LRP8: variants seen among roughly 807,000 people sequenced by gnomAD.
The protein encoded by LRP8 is LDL receptor related protein 8.
A neutral mutation model predicts 111.6 loss-of-function variants in LRP8; 46 were observed. The observed-to-expected ratio is 0.41, with a 90% CI of 0.33 to 0.53. The LOEUF is 0.53. Among genes scored for constraint, LRP8 ranks in the 20% least tolerant of loss-of-function variants. LRP8 has a pLI of 0.20. For synonymous variants in LRP8, 464 were observed against 511.2 expected, an observed-to-expected ratio of 0.91 and a Z score of 1.24; for missense variants, 959 against 1,297.4, an observed-to-expected ratio of 0.74 and a Z score of 4.01.
chr1:53,321,575 C>T (rs745858572), intron 2 of LRP8, among the ~76,000 whole-genome samples: 9 of 152,200 alleles, frequency 5.9e-5, no homozygotes, highest in Non-Finnish European at 1.2e-4. Flanking sequence ...CTCTCTCTCT[C>T]TGGCTTCACC....
chr1:53,299,767 C>A (rs1264820286), intron 2 of LRP8, among the ~76,000 whole-genome samples: 1 of 152,262 alleles, frequency 6.6e-6, no homozygotes, highest in East Asian at 1.9e-4. Flanking sequence ...GGGCCGTCTG[C>A]CACTCCTGGC....
At chr1:53,286,875 A>G (rs1465643506) in intron 3 of LRP8, among the ~76,000 whole-genome samples, 1 of 152,190 alleles carries the variant, frequency 6.6e-6, no homozygotes, top group Non-Finnish European at 1.5e-5. Flanking sequence ...TACAAATAAC[A>G]CTGCCATTTA....
rs1198721579 is a variant in LRP8, at chr1:53,258,375, G to A, written c.2153C>T (p.Thr718Ile). 3.7e-6 allele frequency: 6 copies of A among 1,614,056 alleles called. No homozygotes were observed. Among genetic ancestry groups the A allele is most frequent in the Non-Finnish European group, 5.1e-6 (6 of 1,180,018 alleles). Residue 718 changes from threonine to isoleucine, a missense_variant, in exon 14 of 19, where the codon ACA (threonine) becomes ATA (isoleucine). Physicochemically the swap from Thr to Ile is moderately conservative, Grantham distance 89. Transcript: ENST00000306052. ...CCACATTGTGTCAGGACAGGCACATGTGTACTTGGGAGAGTGGCTGGAGAT... is the reference window on the plus strand; with the variant it reads ...CCACATTGTGTCAGGACAGGCACATATGTACTTGGGAGAGTGGCTGGAGAT... ...PQISSHSPKY[T>I]CACPDTMWLG... is the part of the protein sequence containing the mutation.
intron 5 of LRP8, among the ~76,000 whole-genome samples, 165 bp downstream of exon 5, chr1:53,276,527 A>T (rs1421136237): frequency 6.6e-6 from 1 of 152,158 alleles, no homozygotes; most frequent in Non-Finnish European, 1.5e-5. Flanking sequence ...AGCTGCGTGA[A>T]TTCAAATAAG....
chr1:53,248,166 G>C (rs1475571483), intron 18 of LRP8, among the ~76,000 whole-genome samples: 4 of 152,176 alleles, frequency 2.6e-5, no homozygotes, highest in Non-Finnish European at 4.4e-5. Flanking sequence ...ACATAAAATA[G>C]AATCAGACTA....
chr1:53,251,438 C>T (rs1645892554), intron 16 of LRP8, among the ~76,000 whole-genome samples: 1 of 151,912 alleles, frequency 6.6e-6, no homozygotes, highest in African/African-American at 2.4e-5. Flanking sequence ...TAGAAGGAGA[C>T]ACAGAGGGCA....
intron 2 of LRP8, among the ~76,000 whole-genome samples, chr1:53,304,235 G>A (rs545597016): frequency 6.6e-6 from 1 of 152,172 alleles, no homozygotes; most frequent in Non-Finnish European, 1.5e-5. Context: ...GTGGCCCAGG[G>A]CTCATCTGGA....
chr1:53,277,427 T>A (rs1344743974), intron 4 of LRP8, among the ~76,000 whole-genome samples: 1 of 152,174 alleles, frequency 6.6e-6, no homozygotes, highest in Admixed American at 6.5e-5. Context: ...CACTGACCCT[T>A]CCCAGGGACC....
chr1:53,280,488 C>T, intron 4 of LRP8, 99 bp downstream of exon 4: 4 of 1,488,582 alleles, frequency 2.7e-6, no homozygotes, highest in Non-Finnish European at 3.6e-6. Flanking sequence ...CACCACCAAG[C>T]CCCACGGGGA....
Position 53,258,412 on chromosome 1 carries a change from G to T in LRP8, c.2116C>A (p.Pro706Thr). 1.9e-6 allele frequency: 3 copies of T among 1,614,140 alleles called. No individual in the cohort carries two copies. Among genetic ancestry groups the T allele is most frequent in the Non-Finnish European group, 2.5e-6 (3 of 1,179,992 alleles). The change falls in exon 14 of 19, where the codon CCT (proline) becomes ACT (threonine). Residue 706 changes from proline to threonine, a missense_variant. Coordinates refer to ENST00000306052, the MANE Select transcript of LRP8 (RefSeq NM_004631.5). ...GAGTGGCTGGAGATCTGAGGAGCAG[G>T]AAGGCACAGGTATTCACAGCCTCCA... is the stretch of plus-strand genomic sequence containing the variant. The part of the protein sequence containing the change: ...PNGGCEYLCL[P>T]APQISSHSPK...
intron 8 of LRP8, chr1:53,267,426 T>C (rs945379534): frequency 1.3e-5 from 2 of 152,096 alleles, no homozygotes; most frequent in Non-Finnish European, 2.9e-5. Flanking sequence ...GAGCCATGAT[T>C]GTGCCACTGC....
At chr1:53,324,842 C>A (rs995912217) in intron 2 of LRP8, among the ~76,000 whole-genome samples, 5 of 152,192 alleles carry the variant, frequency 3.3e-5, no homozygotes, top group Admixed American at 2.0e-4. Flanking sequence ...GCACCACACT[C>A]CCCACCTCAG....
intron 4 of LRP8, among the ~76,000 whole-genome samples, chr1:53,277,565 T>C (rs947770806): frequency 1.3e-5 from 2 of 152,176 alleles, no homozygotes; most frequent in Non-Finnish European, 2.9e-5. Context: ...ACCTCACTCC[T>C]GAATGTTCGC....
intron 3 of LRP8, among the ~76,000 whole-genome samples, chr1:53,285,493 A>G (rs1004925080): frequency 6.6e-6 from 1 of 152,220 alleles, no homozygotes; most frequent in Non-Finnish European, 1.5e-5. Context: ...TCCTTAGGCA[A>G]CTACTGAACC....
In LRP8 at chr1:53,250,662, A is replaced by T; in HGVS notation, c.2676+28T>A. The T allele has an allele frequency of 6.2e-7, 1 of 1,602,428 alleles. No homozygotes were observed. The highest frequency in any genetic ancestry group is 8.5e-7 in the Non-Finnish European group (1 of 1,170,712). ...ATGGAAGGGAAGATGGTCGGAAGGTAGGAATTCTCCCAGTGAGAAATACTT... is the reference window on the plus strand; with the variant it reads ...ATGGAAGGGAAGATGGTCGGAAGGTTGGAATTCTCCCAGTGAGAAATACTT... On this transcript the variant is annotated intron_variant, in intron 17 of 18. Transcript: ENST00000306052. This position sits in a 1 kb window ranked among gnomAD's most constrained non-coding sequence, Gnocchi z 4.6.
At chr1:53,327,733 C>G in intron 1 of LRP8, 56 bp downstream of exon 1, 1 of 1,403,506 alleles carries the variant, frequency 7.1e-7, no homozygotes, top group Non-Finnish European at 9.3e-7. Flanking sequence ...CTCCCGGCCG[C>G]GCTTTGTTGG....
At chr1:53,258,891 A>G (rs911515584) in intron 13 of LRP8, among the ~76,000 whole-genome samples, 1 of 152,168 alleles carries the variant, frequency 6.6e-6, no homozygotes, top group Non-Finnish European at 1.5e-5. Context: ...AAGTGAGAGC[A>G]TATAGTTTTT....
At chr1:53,271,422 C>A in intron 6 of LRP8, 76 bp from the exon 7 acceptor site, 1 of 1,564,470 alleles carries the variant, frequency 6.4e-7, no homozygotes, top group Non-Finnish European at 8.8e-7. Flanking sequence ...GGACCTAGAG[C>A]AGAAGCAGAG....
At chr1:53,287,543 G>C (rs991472495) in intron 3 of LRP8, among the ~76,000 whole-genome samples, 2 of 152,202 alleles carry the variant, frequency 1.3e-5, no homozygotes, top group Non-Finnish European at 2.9e-5. Flanking sequence ...GGAGAGCTGG[G>C]CTTCTGTCTC....
Sources: gnomAD v4.1 joint callset for allele counts (sites outside exome capture counted in the v4.1 genomes callset) on GRCh38, gnomAD v4.1.1 for gene constraint, Gnocchi (gnomAD v3.1) non-coding constraint, MANE v1.5 for transcripts, NCBI Gene and HGNC (gene_info 2026-07-23, HGNC 2026-07-21) for gene names.